The following VWC2L variants were observed in gnomAD, a reference collection of about 807,000 sequenced individuals.
VWC2L encodes von Willebrand factor C domain-containing protein 2-like.
In VWC2L, 10 loss-of-function variants were observed where a neutral mutation model predicts 21.6. The observed-to-expected ratio is 0.46, with a 90% CI of 0.29 to 0.78. VWC2L has a LOEUF of 0.78. Ranked by LOEUF, VWC2L falls within the 30% of genes least tolerant of loss-of-function variation. VWC2L has a pLI of 0.10. For synonymous variants in VWC2L, 96 were observed against 94.3 expected (o/e 1.02, Z -0.10); for missense variants, 209 against 277.1 (o/e 0.75, Z 1.74).
chr2:214,421,883 A>ATTTTTTTT (rs1574555783), intron 2 of VWC2L, among the ~76,000 whole-genome samples: 1 of 88,352 alleles, frequency 1.1e-5, no homozygotes, highest in African/African-American at 5.8e-5. Context: ...TATTTCCTAC[A>ATTTTTTTT]TCTTTTTTTT....
chr2:214,489,090 C>A (rs186443542), intron 3 of VWC2L, among the ~76,000 whole-genome samples: 1 of 152,308 alleles, frequency 6.6e-6, no homozygotes, highest in East Asian at 1.9e-4. Context: ...TTGGCTACTT[C>A]ATCACCTGCT....
chr2:214,536,620 C>A (rs1379626196), intron 3 of VWC2L: 1 of 152,056 alleles, frequency 6.6e-6, no homozygotes, highest in Non-Finnish European at 1.5e-5. Flanking sequence ...TTCCTTCCAA[C>A]AAGTATTAGC....
chr2:214,484,409 G>T (rs1688648362), intron 3 of VWC2L, among the ~76,000 whole-genome samples: 1 of 152,156 alleles, frequency 6.6e-6, no homozygotes, highest in Admixed American at 6.6e-5. Flanking sequence ...TGCCTTAAAA[G>T]GAAGGGCTTT....
At chr2:214,547,392 G>T (rs1244119786) in intron 3 of VWC2L, among the ~76,000 whole-genome samples, 2 of 152,108 alleles carry the variant, frequency 1.3e-5, no homozygotes, top group Non-Finnish European at 2.9e-5. Flanking sequence ...TGGAGCAGGA[G>T]GGAGAATGTT....
At chr2:214,570,860 G>A (rs1690139681) in intron 3 of VWC2L, among the ~76,000 whole-genome samples, 1 of 152,070 alleles carries the variant, frequency 6.6e-6, no homozygotes, top group African/African-American at 2.4e-5. Flanking sequence ...CACTTGAGCT[G>A]ATAAGTCATA....
At chr2:214,483,400 T>C (rs1397052868) in intron 3 of VWC2L, among the ~76,000 whole-genome samples, 1 of 151,392 alleles carries the variant, frequency 6.6e-6, no homozygotes. Context: ...ATTAGAATAA[T>C]GTATCTGGCA....
chr2:214,468,491 G>C (rs985433391), intron 3 of VWC2L, among the ~76,000 whole-genome samples: 1 of 152,068 alleles, frequency 6.6e-6, no homozygotes, highest in African/African-American at 2.4e-5. Context: ...TTAATAAGGG[G>C]TTTTCTAATT....
At chr2:214,442,778 A>C (rs1702781342) in intron 3 of VWC2L, among the ~76,000 whole-genome samples, 1 of 152,054 alleles carries the variant, frequency 6.6e-6, no homozygotes, top group Non-Finnish European at 1.5e-5. Context: ...ATACAAACCA[A>C]AGATTGCAAA....
At chr2:214,441,079 C>A (rs1301066659) in intron 3 of VWC2L, among the ~76,000 whole-genome samples, 2 of 152,158 alleles carry the variant, frequency 1.3e-5, no homozygotes, top group Non-Finnish European at 2.9e-5. Flanking sequence ...ATATTTAATT[C>A]TATGTCCCTC....
At chr2:214,443,246 C>T (rs1008165734) in intron 3 of VWC2L, among the ~76,000 whole-genome samples, 1 of 152,026 alleles carries the variant, frequency 6.6e-6, no homozygotes, top group Non-Finnish European at 1.5e-5. Flanking sequence ...GTGGTGTGTG[C>T]CTGTAATCCC....
intron 3 of VWC2L, among the ~76,000 whole-genome samples, chr2:214,538,166 G>T (rs1055226593): frequency 6.6e-6 from 1 of 152,136 alleles, no homozygotes; most frequent in Middle Eastern, 3.4e-3. Context: ...CAAAATAAGA[G>T]ACTGAGAGAC....
intron 3 of VWC2L, among the ~76,000 whole-genome samples, chr2:214,455,782 T>C (rs1315657582): frequency 6.6e-6 from 1 of 152,224 alleles, no homozygotes; most frequent in Admixed American, 6.5e-5. Flanking sequence ...CTCCCACATG[T>C]AAGTGTAAAC....
chr2:214,573,668 A>G (rs1340006174), intron 3 of VWC2L, among the ~76,000 whole-genome samples: 2 of 151,972 alleles, frequency 1.3e-5, no homozygotes, highest in African/African-American at 4.8e-5. Context: ...TTCTCTGAAG[A>G]CTCCCTCAGT....
At chr2:214,575,554 T>A (rs1690216406) in intron 3 of VWC2L, 118 bp from the exon 4 acceptor site, 2 of 1,093,558 alleles carry the variant, frequency 1.8e-6, no homozygotes, top group South Asian at 1.8e-5. Context: ...TCCTTGATGA[T>A]AAGTCAGTAG....
chr2:214,534,057 G>T (rs1234349218), intron 3 of VWC2L: 1 of 152,442 alleles, frequency 6.6e-6, no homozygotes, highest in Non-Finnish European at 1.5e-5. Context: ...TGGAATCAAG[G>T]GCCAGGCCCC....
At chr2:214,427,177 C>T (rs979555482) in intron 2 of VWC2L, among the ~76,000 whole-genome samples, 4 of 152,120 alleles carry the variant, frequency 2.6e-5, no homozygotes, top group East Asian at 1.9e-4. Context: ...TATTTTCACA[C>T]GTTAGCTTTA....
intron 3 of VWC2L, among the ~76,000 whole-genome samples, chr2:214,467,803 A>G (rs1330059603): frequency 6.6e-6 from 1 of 152,136 alleles, no homozygotes; most frequent in Non-Finnish European, 1.5e-5. Context: ...AGTACCTACT[A>G]TGTCTTAGCC....
chr2:214,530,368 C>T (rs551506804), intron 3 of VWC2L, among the ~76,000 whole-genome samples: 14 of 152,274 alleles, frequency 9.2e-5, no homozygotes, highest in Admixed American at 2.0e-4. Context: ...AGCTCAATGA[C>T]GACTAGTAGC....
intron 3 of VWC2L, among the ~76,000 whole-genome samples, chr2:214,463,240 T>A (rs1703167213): frequency 6.6e-6 from 1 of 152,204 alleles, no homozygotes. Context: ...TGAATTTGTC[T>A]ATTTAACAGT....
Sources: gnomAD v4.1 joint callset for allele counts (sites outside exome capture counted in the v4.1 genomes callset) on GRCh38, gnomAD v4.1.1 for gene constraint, MANE v1.5 for transcripts, NCBI Gene and HGNC (gene_info 2026-07-23, HGNC 2026-07-21) for gene names.